The following ASTN2 variants were observed in gnomAD, a reference collection of about 807,000 sequenced individuals.
ASTN2 encodes the protein astrotactin 2.
A neutral mutation model predicts 139.8 loss-of-function variants in ASTN2; 54 were observed. That is an observed-to-expected ratio of 0.39 (90% confidence interval 0.31 to 0.48). ASTN2 has a LOEUF of 0.48. Among genes scored for constraint, ASTN2 ranks in the 20% least tolerant of loss-of-function variants. The pLI is 0.95. For missense variants in ASTN2, 1,565 were observed against 1,725.1 expected, an observed-to-expected ratio of 0.91 and a Z score of 1.64; for synonymous variants, 756 against 719.5, an observed-to-expected ratio of 1.05 and a Z score of -0.81.
At chr9:116,455,234 AG>A (rs1848294881) in intron 20 of ASTN2, among the ~76,000 whole-genome samples, 1 of 151,890 alleles carries the variant, frequency 6.6e-6, no homozygotes, top group South Asian at 2.1e-4. Flanking sequence ...CTGTAATCCC[AG>A]CTACTCAGAA....
chr9:117,180,894 G>A, intron 3 of ASTN2: 1 of 1,588,376 alleles, frequency 6.3e-7, no homozygotes, highest in Non-Finnish European at 8.6e-7. Context: ...CCCTGCGCAG[G>A]GCCTCAATTA....
At chr9:116,732,762 G>C (rs971009009) in intron 14 of ASTN2, among the ~76,000 whole-genome samples, 4 of 152,168 alleles carry the variant, frequency 2.6e-5, no homozygotes, top group Non-Finnish European at 5.9e-5. Flanking sequence ...TTGCAGGGGT[G>C]GGGGAGCGGC....
At chr9:116,571,802 G>C (rs1213418048) in intron 19 of ASTN2, among the ~76,000 whole-genome samples, 1 of 152,126 alleles carries the variant, frequency 6.6e-6, no homozygotes, top group African/African-American at 2.4e-5. Flanking sequence ...GTATGTGTCT[G>C]TGTGCTTCCC....
chr9:117,206,937 C>A (rs1245642502), intron 3 of ASTN2, among the ~76,000 whole-genome samples: 1 of 152,180 alleles, frequency 6.6e-6, no homozygotes, highest in Non-Finnish European at 1.5e-5. Flanking sequence ...CCTAATAGTT[C>A]TACGCCCCCT....
chr9:117,269,288 C>T (rs529601204), intron 2 of ASTN2, among the ~76,000 whole-genome samples: 2 of 152,302 alleles, frequency 1.3e-5, no homozygotes, highest in African/African-American at 4.8e-5. Context: ...AGTTGAGAGA[C>T]TATGGCAGCA....
chr9:117,045,314 CTGAG>C (rs200230905), intron 5 of ASTN2, among the ~76,000 whole-genome samples: 2,260 of 123,574 alleles, frequency 0.018, 74 homozygotes, highest in African/African-American at 0.073. Context: ...ATCATATTGC[CTGAG>C]TATTTTTTTT....
intron 19 of ASTN2, among the ~76,000 whole-genome samples, chr9:116,535,735 T>C (rs987629525): frequency 6.6e-6 from 1 of 152,244 alleles, no homozygotes; most frequent in African/African-American, 2.4e-5. Context: ...GCTGTTAATC[T>C]GATGGGCTTC....
intron 10 of ASTN2, among the ~76,000 whole-genome samples, chr9:116,963,922 C>A (rs1202927792): frequency 6.6e-6 from 1 of 152,142 alleles, no homozygotes; most frequent in East Asian, 1.9e-4. Context: ...CTAAAGGCCT[C>A]AGCTCCATGG....
Position 116,698,037 on chromosome 9 carries a change from A to C in ASTN2, c.2806+27734T>G, listed in dbSNP as rs1860963068. The C allele has an allele frequency of 1.9e-6, 3 of 1,614,016 alleles. No homozygotes were observed. Among genetic ancestry groups the C allele is most frequent in the African/African-American group, 1.3e-5 (1 of 75,056 alleles). On this transcript the variant is annotated intron_variant, in intron 16 of 22. Transcript: ENST00000313400. This position sits in a 1 kb window ranked among gnomAD's most constrained non-coding sequence, Gnocchi z 4.4. The stretch of plus-strand genomic sequence containing the variant: ...GCTCAGCGAGGCTGTGGGGCTGCTC[A>C]TGTGTCGGTCCTGTGGGCGGCGTCT...
chr9:116,792,061 A>G (rs921724563), intron 13 of ASTN2, among the ~76,000 whole-genome samples: 1 of 152,112 alleles, frequency 6.6e-6, no homozygotes, highest in African/African-American at 2.4e-5. Context: ...ACATTGAGAA[A>G]ATTTTAAAAA....
chr9:117,171,886 G>T (rs908846995), intron 3 of ASTN2, among the ~76,000 whole-genome samples: 16 of 152,038 alleles, frequency 1.1e-4, no homozygotes, highest in African/African-American at 3.4e-4. Flanking sequence ...AAACATTAGT[G>T]TTTAAAAGAA....
intron 4 of ASTN2, among the ~76,000 whole-genome samples, chr9:117,123,173 T>C (rs1829602179): frequency 1.3e-5 from 2 of 152,094 alleles, no homozygotes; most frequent in African/African-American, 4.8e-5. Flanking sequence ...TTTACAGTTC[T>C]GTCAAGTTCC....
chr9:116,844,050 T>A (rs1351068494), intron 11 of ASTN2, among the ~76,000 whole-genome samples: 1 of 152,212 alleles, frequency 6.6e-6, no homozygotes, highest in Non-Finnish European at 1.5e-5. Flanking sequence ...ATAAGATTAA[T>A]CCAGATACTG....
At chr9:116,581,786 T>C (rs1284306438) in intron 19 of ASTN2, among the ~76,000 whole-genome samples, 1 of 152,172 alleles carries the variant, frequency 6.6e-6, no homozygotes, top group East Asian at 1.9e-4. Context: ...TCTACCACAA[T>C]CTCTGGACCC....
intron 1 of ASTN2, among the ~76,000 whole-genome samples, chr9:117,371,346 A>G (rs1829985432): frequency 6.6e-6 from 1 of 152,210 alleles, no homozygotes. Flanking sequence ...ATATATTTTT[A>G]ATATGGTAAC....
intron 11 of ASTN2, among the ~76,000 whole-genome samples, chr9:116,851,307 G>A (rs1341285775): frequency 2.0e-5 from 3 of 152,168 alleles, no homozygotes; most frequent in African/African-American, 7.2e-5. Flanking sequence ...ATTGGAAATG[G>A]AGGCATGGTG....
chr9:116,544,973 C>G (rs1326245042), intron 19 of ASTN2, among the ~76,000 whole-genome samples: 1 of 152,234 alleles, frequency 6.6e-6, no homozygotes, highest in Non-Finnish European at 1.5e-5. Flanking sequence ...TGGCCTGCTC[C>G]TGGCCCAGCT....
intron 3 of ASTN2, among the ~76,000 whole-genome samples, chr9:117,149,415 TTGTG>T (rs138834081): frequency 2.6e-4 from 39 of 150,730 alleles, no homozygotes; most frequent in Admixed American, 6.6e-4. Flanking sequence ...TTGTGTGTGT[TTGTG>T]TGTGTGTGTG....
intron 19 of ASTN2, among the ~76,000 whole-genome samples, chr9:116,608,598 T>C (rs1416455088): frequency 6.8e-6 from 1 of 146,270 alleles, no homozygotes; most frequent in Non-Finnish European, 1.5e-5. Flanking sequence ...ACAAAATATT[T>C]TGAACAAAAG....
Sources: gnomAD v4.1 joint callset for allele counts (sites outside exome capture counted in the v4.1 genomes callset) on GRCh38, gnomAD v4.1.1 for gene constraint, Gnocchi (gnomAD v3.1) non-coding constraint, MANE v1.5 for transcripts, NCBI Gene and HGNC (gene_info 2026-07-23, HGNC 2026-07-21) for gene names.